The following SYNJ2 variants were observed in gnomAD, a reference collection of about 807,000 sequenced individuals.
SYNJ2 encodes polyphosphatidylinositol phosphatase SYNJ2.
Under a neutral mutation model 141.3 loss-of-function variants are expected in SYNJ2, and 116 were observed. The ratio of observed to expected loss-of-function variants is 0.82; its 90% CI spans 0.71 to 0.96. The LOEUF is 0.96. Among genes scored for constraint, SYNJ2 ranks in the 40% least tolerant of loss-of-function variants. SYNJ2 has a pLI of 0.00. For synonymous variants in SYNJ2, 745 were observed against 777.7 expected (o/e 0.96, Z 0.70); for missense variants, 1,873 against 1,934.8 (o/e 0.97, Z 0.60).
At chr6:158,026,671 C>T (rs577019508) in intron 2 of SYNJ2, among the ~76,000 whole-genome samples, 4 of 152,344 alleles carry the variant, frequency 2.6e-5, no homozygotes, top group East Asian at 1.9e-4. Flanking sequence ...GCCCCCCACA[C>T]GGAGGCTGTT....
At chr6:158,057,725 G>A (rs1285111504) in intron 6 of SYNJ2, among the ~76,000 whole-genome samples, 4 of 152,374 alleles carry the variant, frequency 2.6e-5, no homozygotes, top group East Asian at 1.9e-4. Context: ...CCTTGTTTCC[G>A]ATGAGCCACA....
chr6:158,005,108 T>G (rs534117500), intron 1 of SYNJ2, among the ~76,000 whole-genome samples: 4 of 150,024 alleles, frequency 2.7e-5, no homozygotes, highest in Non-Finnish European at 5.9e-5. Flanking sequence ...GAGACAGTCT[T>G]GCTCTGTCGC....
intron 5 of SYNJ2, among the ~76,000 whole-genome samples, chr6:158,054,224 T>C (rs1451484909): frequency 6.6e-6 from 1 of 151,374 alleles, no homozygotes; most frequent in Admixed American, 6.6e-5. Context: ...CACCCACCCA[T>C]CCATCCACTC....
chr6:158,028,519 C>T lies in SYNJ2; in HGVS notation c.215-237C>T, dbSNP rs550148773. 3.5e-5 allele frequency: 20 copies of T among 574,396 alleles called. No homozygotes were observed. The African/African-American group carries it at 3.6e-4, about 10-fold the overall frequency. The allele number at this position is 574,396 out of a possible 1,614,324, so 35.6% of individuals were successfully genotyped here. On this transcript the variant is annotated intron_variant, in intron 2 of 26. Transcript: ENST00000355585. ...GGCAGGAATCTGCATGTCTAACAGG[C>T]TCCCAGGGGATGCTGACTTGCTGGC...
intron 17 of SYNJ2, among the ~76,000 whole-genome samples, chr6:158,077,059 G>A (rs577891738): frequency 1.3e-5 from 2 of 151,148 alleles, no homozygotes; most frequent in African/African-American, 4.9e-5. Flanking sequence ...GCAATGGCGT[G>A]ATCTTGGCTC....
At chr6:158,015,820 G>T (rs2128326974) in intron 1 of SYNJ2, among the ~76,000 whole-genome samples, 1 of 152,162 alleles carries the variant, frequency 6.6e-6, no homozygotes, top group South Asian at 2.1e-4. Flanking sequence ...ATTGGTATTT[G>T]TGATCATATT....
Position 157,995,963 on chromosome 6 carries a change from G to A in SYNJ2, c.127+13875G>A, listed in dbSNP as rs76619749. 5.3e-3 allele frequency among the ~76,000 whole-genome samples: 813 copies of A among 152,292 alleles called. 14 individuals are homozygous for A. Among genetic ancestry groups the A allele is most frequent in the African/African-American group, 0.018 (746 of 41,556 alleles). Reference sequence around the variant, plus strand: ...GACTGAAGCCCACATCTGTGGAAAGGCATACTATGTTCTTGGAGTGGGAAC... The same window carrying A: ...GACTGAAGCCCACATCTGTGGAAAGACATACTATGTTCTTGGAGTGGGAAC... On this transcript the variant is annotated intron_variant, in intron 1 of 26. Transcript: ENST00000355585.
chr6:157,997,715 G>A (rs117981356), intron 1 of SYNJ2, among the ~76,000 whole-genome samples: 12 of 152,254 alleles, frequency 7.9e-5, no homozygotes, highest in Admixed American at 2.0e-4. Flanking sequence ...ACACTGCCTC[G>A]TGTGGAAATG....
intron 1 of SYNJ2, among the ~76,000 whole-genome samples, chr6:158,008,104 T>C (rs1486883071): frequency 6.6e-6 from 1 of 152,216 alleles, no homozygotes; most frequent in Non-Finnish European, 1.5e-5. Flanking sequence ...GTTTCATTTG[T>C]TATCTGCCTG....
intron 5 of SYNJ2, among the ~76,000 whole-genome samples, chr6:158,044,819 T>C (rs766468812): frequency 6.6e-6 from 1 of 152,120 alleles, no homozygotes; most frequent in Admixed American, 6.5e-5. Flanking sequence ...TATCTATAGA[T>C]TTCCCATTCC....
chr6:158,042,679 G>C (rs775348425), intron 4 of SYNJ2, among the ~76,000 whole-genome samples: 1 of 152,200 alleles, frequency 6.6e-6, no homozygotes, highest in Non-Finnish European at 1.5e-5. Context: ...TAAAGTGTAC[G>C]GATCATTTGT....
chr6:158,067,778 C>T, intron 12 of SYNJ2: 1 of 985,148 alleles, frequency 1.0e-6, no homozygotes, highest in Non-Finnish European at 1.2e-6. Context: ...CAGAGTCCAC[C>T]ATTCAGAGCC....
chr6:158,089,658 G>A (rs1268827503), intron 24 of SYNJ2, among the ~76,000 whole-genome samples, 181 bp from the exon 25 acceptor site: 2 of 152,112 alleles, frequency 1.3e-5, no homozygotes, highest in South Asian at 4.2e-4. Flanking sequence ...AAGTAGTATG[G>A]CACTCTTGGA....
At chr6:158,064,773 GGGTGGGGGCCCCA>G in intron 10 of SYNJ2, 23 bp downstream of exon 10, 1 of 1,612,368 alleles carries the variant, frequency 6.2e-7, no homozygotes, top group Non-Finnish European at 8.5e-7. Context: ...CGAGGGGGCA[GGGTGGGGGCCCCA>G]GGGACCCCCC....
intron 21 of SYNJ2, 24 bp downstream of exon 21, chr6:158,083,621 C>G: frequency 6.2e-7 from 1 of 1,613,132 alleles, no homozygotes; most frequent in Non-Finnish European, 8.5e-7. Flanking sequence ...CAGGGAGGGA[C>G]AGGCAAGCCG....
At chr6:158,069,367 G>C (rs7773707) in intron 13 of SYNJ2, among the ~76,000 whole-genome samples, 166 bp from the exon 14 acceptor site, 28,956 of 152,060 alleles carry the variant, frequency 0.19, 2,953 homozygotes, top group African/African-American at 0.26. Context: ...CCAAAAACAC[G>C]CAGATCCTCC....
At chr6:158,047,334 C>T (rs1780295263) in intron 5 of SYNJ2, among the ~76,000 whole-genome samples, 1 of 152,098 alleles carries the variant, frequency 6.6e-6, no homozygotes, top group African/African-American at 2.4e-5. Context: ...CGACGCAGAC[C>T]TGGGCTCAAA....
At chr6:158,067,611 G>C in intron 12 of SYNJ2, 1 of 985,438 alleles carries the variant, frequency 1.0e-6, no homozygotes, top group Non-Finnish European at 1.2e-6. Context: ...TTGTGGTTCA[G>C]GTTTTTGCCT....
intron 5 of SYNJ2, among the ~76,000 whole-genome samples, chr6:158,048,179 T>A (rs111759874): frequency 2.6e-5 from 4 of 151,966 alleles, no homozygotes; most frequent in Non-Finnish European, 5.9e-5. Flanking sequence ...CAGGGCAGTG[T>A]TGTGTGGACA....
Sources: gnomAD v4.1 joint callset for allele counts (sites outside exome capture counted in the v4.1 genomes callset) on GRCh38, gnomAD v4.1.1 for gene constraint, MANE v1.5 for transcripts, NCBI Gene and HGNC (gene_info 2026-07-23, HGNC 2026-07-21) for gene names.